CREB5: variants seen among roughly 807,000 people sequenced by gnomAD.
CREB5 encodes the protein cyclic AMP-responsive element-binding protein 5.
A neutral mutation model predicts 57.1 loss-of-function variants in CREB5; 19 were observed. That is an observed-to-expected ratio of 0.33 (90% CI 0.23 to 0.49). The LOEUF is 0.49. Among genes scored for constraint, CREB5 ranks in the 20% least tolerant of loss-of-function variants. CREB5 has a pLI of 0.99. For missense variants in CREB5, 579 were observed against 671.6 expected, an observed-to-expected ratio of 0.86 and a Z score of 1.52; for synonymous variants, 238 against 238.3, an observed-to-expected ratio of 1.00 and a Z score of 0.01.
rs58545065 is a variant in CREB5, at chr7:28,820,414, AT to A, written c.*1148del. 949 of 147,660 alleles carry A rather than the reference AT, an allele frequency of 6.4e-3. 4 individuals carry two copies. The highest frequency in any genetic ancestry group is 0.017 in the African/African-American group (689 of 40,010). The allele number at this position is 147,660 out of a possible 1,614,324, so 9.1% of individuals were successfully genotyped here. On this transcript the variant is annotated 3_prime_UTR_variant, in exon 11 of 11. Coordinates refer to ENST00000357727, the MANE Select transcript of CREB5 (RefSeq NM_182898.4). ...ATCAGCTGCTAATAGCCTAAGATTT[AT>A]TTTTTTTTTTTTCTTAAGCCTATGG...
intron 1 of CREB5, among the ~76,000 whole-genome samples, chr7:28,445,745 G>T (rs932865905): frequency 5.9e-5 from 9 of 151,762 alleles, no homozygotes; most frequent in Non-Finnish European, 1.0e-4. Flanking sequence ...TTGAGATGGG[G>T]TTTCACTGTG....
At chr7:28,648,293 T>TCTCCTC (rs1262850446) in intron 5 of CREB5, among the ~76,000 whole-genome samples, 1 of 152,148 alleles carries the variant, frequency 6.6e-6, no homozygotes, top group African/African-American at 2.4e-5. Context: ...TAGTCTTTTA[T>TCTCCTC]TTGAAGAGGA....
intron 4 of CREB5, among the ~76,000 whole-genome samples, chr7:28,515,292 A>T (rs1464780669): frequency 6.6e-6 from 1 of 151,934 alleles, no homozygotes; most frequent in African/African-American, 2.4e-5. Context: ...CCTTTCTCTG[A>T]CCTCTCTGGG....
intron 5 of CREB5, among the ~76,000 whole-genome samples, chr7:28,658,965 A>ATATATATATATATATATG: frequency 7.4e-6 from 1 of 135,638 alleles, no homozygotes; most frequent in Non-Finnish European, 1.6e-5. Flanking sequence ...ATATATATAT[A>ATATATATATATATATATG]TATATATATA....
In CREB5 at chr7:28,600,491, T is replaced by G. The variant is rs902997625; in HGVS notation, c.464+29954T>G. Reference sequence around the variant, plus strand: ...GTAGCAGGCAAATGCTAATATTTGTTTAATTTAATTATGTGAAAACTGAGG... The same window carrying G: ...GTAGCAGGCAAATGCTAATATTTGTGTAATTTAATTATGTGAAAACTGAGG... On this transcript the variant is annotated intron_variant, in intron 5 of 10. Transcript: ENST00000357727. Among the ~76,000 whole-genome samples the G allele has an allele frequency of 3.3e-5, 5 of 152,256 alleles. No homozygotes were observed. In the South Asian group the frequency reaches 1.0e-3, roughly 32 times the overall value.
intron 7 of CREB5, among the ~76,000 whole-genome samples, chr7:28,786,438 G>A (rs1562640250): frequency 6.6e-6 from 1 of 152,192 alleles, no homozygotes; most frequent in Non-Finnish European, 1.5e-5. Flanking sequence ...TAGTAAAGAT[G>A]GATTTTGCCA....
chr7:28,414,419 T>G (rs531633766), intron 1 of CREB5, among the ~76,000 whole-genome samples: 4 of 152,170 alleles, frequency 2.6e-5, no homozygotes, highest in Non-Finnish European at 5.9e-5. Context: ...TTTAAAAATT[T>G]AAATCTATGA....
intron 5 of CREB5, among the ~76,000 whole-genome samples, chr7:28,702,652 C>A (rs1410508327): frequency 6.6e-6 from 1 of 152,200 alleles, no homozygotes; most frequent in Non-Finnish European, 1.5e-5. Flanking sequence ...TAGCCCCTGC[C>A]TCCAGGGAGA....
At chr7:28,741,312 T>A (rs1386366715) in intron 7 of CREB5, among the ~76,000 whole-genome samples, 1 of 152,170 alleles carries the variant, frequency 6.6e-6, no homozygotes, top group Non-Finnish European at 1.5e-5. Flanking sequence ...ATAACGTATC[T>A]GAAAGAGCCT....
chr7:28,489,856 A>G (rs1791723436), intron 2 of CREB5, among the ~76,000 whole-genome samples: 1 of 152,198 alleles, frequency 6.6e-6, no homozygotes, highest in South Asian at 2.1e-4. Flanking sequence ...GAAGTAGAAA[A>G]CACTAGGAAA....
intron 1 of CREB5, among the ~76,000 whole-genome samples, chr7:28,358,167 T>C (rs933746603): frequency 6.6e-6 from 1 of 152,174 alleles, no homozygotes; most frequent in African/African-American, 2.4e-5. Context: ...CAAGGTCATG[T>C]CCTCTGACAA....
chr7:28,308,965 T>G (rs766428932), intron 1 of CREB5, among the ~76,000 whole-genome samples: 4 of 152,132 alleles, frequency 2.6e-5, no homozygotes, highest in Non-Finnish European at 1.5e-5. Context: ...ATAATGTAGG[T>G]GGGCCTCAAC....
At chr7:28,365,348 G>A (rs1374778678) in intron 1 of CREB5, among the ~76,000 whole-genome samples, 2 of 152,068 alleles carry the variant, frequency 1.3e-5, no homozygotes, top group Non-Finnish European at 2.9e-5. Flanking sequence ...TACAATGGAA[G>A]GTATGTTCAT....
At chr7:28,741,864 G>T (rs192167010) in intron 7 of CREB5, among the ~76,000 whole-genome samples, 35 of 151,994 alleles carry the variant, frequency 2.3e-4, no homozygotes, top group African/African-American at 7.0e-4. Flanking sequence ...TCAGGAGTTC[G>T]AGACCAGCCT....
intron 5 of CREB5, among the ~76,000 whole-genome samples, chr7:28,574,829 G>A (rs907220101): frequency 6.6e-5 from 10 of 152,168 alleles, no homozygotes; most frequent in South Asian, 2.1e-4. Context: ...AGACATTTAC[G>A]TAAAAAAACC....
intron 5 of CREB5, among the ~76,000 whole-genome samples, chr7:28,594,175 C>T (rs1234707534): frequency 6.6e-6 from 1 of 152,234 alleles, no homozygotes; most frequent in Non-Finnish European, 1.5e-5. Context: ...ACCCGCTAGA[C>T]TCTCTTAGCA....
chr7:28,557,549 G>A (rs574600804), intron 4 of CREB5, among the ~76,000 whole-genome samples: 21 of 152,266 alleles, frequency 1.4e-4, no homozygotes, highest in African/African-American at 5.1e-4. Context: ...ACCAGAATAA[G>A]TGAGGGAGGA....
intron 5 of CREB5, among the ~76,000 whole-genome samples, chr7:28,636,475 A>G (rs1259216251): frequency 6.6e-6 from 1 of 152,124 alleles, no homozygotes; most frequent in East Asian, 1.9e-4. Flanking sequence ...CAAACACCAT[A>G]TACTGCTCAC....
intron 4 of CREB5, among the ~76,000 whole-genome samples, chr7:28,528,405 G>T (rs527808173): frequency 6.6e-6 from 1 of 152,298 alleles, no homozygotes; most frequent in South Asian, 2.1e-4. Context: ...ACTTCAGTGT[G>T]CTATACAAAT....
Sources: gnomAD v4.1 joint callset for allele counts (sites outside exome capture counted in the v4.1 genomes callset) on GRCh38, gnomAD v4.1.1 for gene constraint, MANE v1.5 for transcripts, NCBI Gene and HGNC (gene_info 2026-07-23, HGNC 2026-07-21) for gene names.